The following LRFN5 variants were observed in gnomAD, a reference collection of about 807,000 sequenced individuals.
LRFN5 encodes leucine-rich repeat and fibronectin type-III domain-containing protein 5.
LRFN5 carries 24 observed loss-of-function variants against 45.6 expected under a neutral mutation model. The ratio of observed to expected loss-of-function variants is 0.53; its 90% CI spans 0.38 to 0.74. The LOEUF is 0.74. LRFN5 is among the 30% of genes least tolerant of loss of function. The pLI is 0.00. For synonymous variants in LRFN5, 340 were observed against 313.8 expected (o/e 1.08, Z -0.88); for missense variants, 776 against 861.5 (o/e 0.90, Z 1.24).
intron 2 of LRFN5, among the ~76,000 whole-genome samples, chr14:41,876,957 A>G (rs1410786708): frequency 6.6e-6 from 1 of 152,164 alleles, no homozygotes; most frequent in Non-Finnish European, 1.5e-5. Flanking sequence ...AAACGAGTAA[A>G]TGACATGATG....
At chr14:41,853,706 C>T (rs1325861811) in intron 2 of LRFN5, among the ~76,000 whole-genome samples, 1 of 151,938 alleles carries the variant, frequency 6.6e-6, no homozygotes, top group African/African-American at 2.4e-5. Context: ...GAAAAAATAA[C>T]ATTATAGGAA....
chr14:41,732,876 T>G (rs538631320), intron 1 of LRFN5, among the ~76,000 whole-genome samples: 22 of 151,020 alleles, frequency 1.5e-4, no homozygotes, highest in Non-Finnish European at 2.7e-4. Flanking sequence ...GAAAAATCAA[T>G]AAATTTACAG....
intron 1 of LRFN5, among the ~76,000 whole-genome samples, chr14:41,707,340 A>T (rs983136194): frequency 1.3e-5 from 2 of 152,068 alleles, no homozygotes; most frequent in African/African-American, 4.8e-5. Context: ...TTTTCCTCTT[A>T]AGTTTTATGT....
At chr14:41,772,571 G>T (rs1382132356) in intron 2 of LRFN5, among the ~76,000 whole-genome samples, 1 of 152,026 alleles carries the variant, frequency 6.6e-6, no homozygotes, top group African/African-American at 2.4e-5. Context: ...AAAGAAGAAA[G>T]AATAAAAAAC....
chr14:41,677,765 A>G (rs974130284), intron 1 of LRFN5, among the ~76,000 whole-genome samples: 3 of 151,654 alleles, frequency 2.0e-5, no homozygotes, highest in Non-Finnish European at 4.4e-5. Flanking sequence ...TAGACATACA[A>G]TATATATATG....
At chr14:41,819,423 G>C (rs1458213567) in intron 2 of LRFN5, among the ~76,000 whole-genome samples, 1 of 152,058 alleles carries the variant, frequency 6.6e-6, no homozygotes, top group Non-Finnish European at 1.5e-5. Flanking sequence ...ATTCACGAAA[G>C]ATGTTATCTC....
At chr14:41,686,477 GC>G (rs1882127821) in intron 1 of LRFN5, among the ~76,000 whole-genome samples, 1 of 151,728 alleles carries the variant, frequency 6.6e-6, no homozygotes, top group African/African-American at 2.4e-5. Flanking sequence ...TTTCCTGATT[GC>G]CCTGGCCAGA....
intron 2 of LRFN5, among the ~76,000 whole-genome samples, chr14:41,833,694 T>G (rs921784780): frequency 6.6e-6 from 1 of 152,208 alleles, no homozygotes; most frequent in African/African-American, 2.4e-5. Context: ...AGTATTGGCT[T>G]TTGGGCAACA....
intron 1 of LRFN5, among the ~76,000 whole-genome samples, chr14:41,690,703 T>G (rs1882343070): frequency 6.6e-6 from 1 of 152,184 alleles, no homozygotes; most frequent in Admixed American, 6.5e-5. Flanking sequence ...GGTGAAAGAA[T>G]AGTTTCCCTA....
At chr14:41,617,888 T>C (rs1490534512) in intron 1 of LRFN5, among the ~76,000 whole-genome samples, 1 of 152,156 alleles carries the variant, frequency 6.6e-6, no homozygotes, top group African/African-American at 2.4e-5. Context: ...GGGGTGAAAC[T>C]TACAGATCAT....
At chr14:41,883,570 G>T (rs765950196) in intron 2 of LRFN5, among the ~76,000 whole-genome samples, 6 of 152,070 alleles carry the variant, frequency 3.9e-5, no homozygotes, top group Non-Finnish European at 7.4e-5. Flanking sequence ...GTATAATCCT[G>T]CCTAGGTTGC....
At chr14:41,872,815 G>A (rs1300160371) in intron 2 of LRFN5, among the ~76,000 whole-genome samples, 1 of 152,202 alleles carries the variant, frequency 6.6e-6, no homozygotes, top group Non-Finnish European at 1.5e-5. Flanking sequence ...TTCTTCTAAA[G>A]AAGGGACAAG....
chr14:41,895,383 G>C (rs760083039), intron 4 of LRFN5, among the ~76,000 whole-genome samples: 9 of 152,238 alleles, frequency 5.9e-5, no homozygotes, highest in Non-Finnish European at 1.3e-4. Context: ...CAGCACTCTG[G>C]GGGCCCAAGA....
intron 2 of LRFN5, among the ~76,000 whole-genome samples, chr14:41,851,581 C>T (rs1230251578): frequency 6.6e-6 from 1 of 151,664 alleles, no homozygotes; most frequent in Admixed American, 6.6e-5. Flanking sequence ...TAAACATGTA[C>T]ATCTGTTCAG....
At chr14:41,752,049 A>G (rs1885156916) in intron 1 of LRFN5, among the ~76,000 whole-genome samples, 2 of 152,238 alleles carry the variant, frequency 1.3e-5, no homozygotes, top group South Asian at 2.1e-4. Flanking sequence ...TTTGCTGAAA[A>G]TGATGGTTTC....
intron 1 of LRFN5, among the ~76,000 whole-genome samples, chr14:41,749,796 C>G (rs1885056336): frequency 1.3e-5 from 2 of 152,018 alleles, no homozygotes; most frequent in Admixed American, 6.6e-5. Context: ...TCATATGTAC[C>G]TCCAAACCTA....
intron 1 of LRFN5, among the ~76,000 whole-genome samples, chr14:41,661,025 A>G (rs1266598710): frequency 6.6e-6 from 1 of 151,086 alleles, no homozygotes; most frequent in Non-Finnish European, 1.5e-5. Flanking sequence ...ATTCATTCCT[A>G]TGAGGTACAA....
intron 2 of LRFN5, among the ~76,000 whole-genome samples, chr14:41,872,751 G>T (rs1487561158): frequency 6.6e-6 from 1 of 152,130 alleles, no homozygotes; most frequent in African/African-American, 2.4e-5. Context: ...TCATTGGAAG[G>T]CACAATTTAC....
At chr14:41,723,825 A>G (rs1348366152) in intron 1 of LRFN5, among the ~76,000 whole-genome samples, 2 of 152,114 alleles carry the variant, frequency 1.3e-5, no homozygotes, top group South Asian at 2.1e-4. Flanking sequence ...TCTGGCCTGA[A>G]ACTAAAATGC....
Sources: gnomAD v4.1 joint callset for allele counts (sites outside exome capture counted in the v4.1 genomes callset) on GRCh38, gnomAD v4.1.1 for gene constraint, MANE v1.5 for transcripts, NCBI Gene and HGNC (gene_info 2026-07-23, HGNC 2026-07-21) for gene names.